The following TAOK3 variants were observed in gnomAD, a reference collection of about 807,000 sequenced individuals.
The protein encoded by TAOK3 is TAO kinase 3.
TAOK3 carries 40 observed loss-of-function variants against 120.4 expected under a neutral mutation model. The observed-to-expected ratio is 0.33, with a 90% CI of 0.26 to 0.43. The LOEUF (loss-of-function observed/expected upper bound fraction) is 0.43, where lower values mean the gene tolerates loss of function less well. Ranked by LOEUF, TAOK3 falls within the 20% of genes least tolerant of loss-of-function variation. The pLI is 1.00. For missense variants in TAOK3, 821 were observed against 1,112.1 expected, an observed-to-expected ratio of 0.74 and a Z score of 3.72; for synonymous variants, 355 against 387.5, an observed-to-expected ratio of 0.92 and a Z score of 0.99.
At chr12:118,324,794 G>C (rs1281327566) in intron 1 of TAOK3, among the ~76,000 whole-genome samples, 1 of 141,946 alleles carries the variant, frequency 7.0e-6, no homozygotes, top group Admixed American at 7.3e-5. Flanking sequence ...ACCCAGGCTG[G>C]AGTGCAGTGG....
chr12:118,357,677 G>C (rs1210980386), intron 1 of TAOK3, among the ~76,000 whole-genome samples: 1 of 152,114 alleles, frequency 6.6e-6, no homozygotes, highest in Non-Finnish European at 1.5e-5. Flanking sequence ...TCATCACGAA[G>C]CACCACCCAC....
At chr12:118,303,557 T>C (rs982294104) in intron 1 of TAOK3, among the ~76,000 whole-genome samples, 2 of 152,248 alleles carry the variant, frequency 1.3e-5, no homozygotes, top group Admixed American at 6.5e-5. Flanking sequence ...ACAAACTTCA[T>C]ATTATGTTCT....
At chr12:118,206,163 A>ATGG (rs1480590098) in intron 11 of TAOK3, among the ~76,000 whole-genome samples, 2 of 152,214 alleles carry the variant, frequency 1.3e-5, no homozygotes, top group African/African-American at 4.8e-5. Flanking sequence ...AGTCATGGCA[A>ATGG]TGTAGCAGCC....
chr12:118,227,618 CCATT>C (rs2039570965), intron 9 of TAOK3, among the ~76,000 whole-genome samples: 1 of 152,062 alleles, frequency 6.6e-6, no homozygotes, highest in Non-Finnish European at 1.5e-5. Flanking sequence ...TATGATATAT[CCATT>C]GTTATTTTTA....
At chr12:118,156,779 G>A (rs1359466201) in intron 19 of TAOK3, among the ~76,000 whole-genome samples, 1 of 151,836 alleles carries the variant, frequency 6.6e-6, no homozygotes, top group East Asian at 1.9e-4. Flanking sequence ...CTGTCACCCA[G>A]GCTGGAGTGC....
intron 1 of TAOK3, among the ~76,000 whole-genome samples, chr12:118,353,805 A>C (rs538755536): frequency 6.6e-6 from 1 of 152,360 alleles, no homozygotes; most frequent in East Asian, 1.9e-4. Flanking sequence ...CAAAGGGGTT[A>C]CATTACAGAT....
intron 13 of TAOK3, among the ~76,000 whole-genome samples, chr12:118,194,612 CTTTT>C (rs58866768): frequency 3.1e-5 from 3 of 98,164 alleles, no homozygotes; most frequent in African/African-American, 3.7e-5. Context: ...AAGGACATTT[CTTTT>C]TTTTTTTTTT....
chr12:118,265,741 GTTTGT>G (rs1172966004), intron 2 of TAOK3, among the ~76,000 whole-genome samples: 8 of 152,130 alleles, frequency 5.3e-5, no homozygotes, highest in Admixed American at 2.0e-4. Flanking sequence ...GCAGTTTCTT[GTTTGT>G]TTTGTTTTAG....
At chr12:118,355,289 CTT>C (rs771089861) in intron 1 of TAOK3, among the ~76,000 whole-genome samples, 6 of 152,142 alleles carry the variant, frequency 3.9e-5, no homozygotes, top group Admixed American at 6.5e-5. Flanking sequence ...ACAGTCCTAA[CTT>C]TATCTGAGTG....
intron 1 of TAOK3, among the ~76,000 whole-genome samples, chr12:118,336,788 G>A (rs1196189973): frequency 6.6e-6 from 1 of 152,176 alleles, no homozygotes; most frequent in Non-Finnish European, 1.5e-5. Flanking sequence ...AAAGGGCAAA[G>A]AGGCTGGGGG....
At chr12:118,236,861 TCAA>T (rs1314192191) in intron 7 of TAOK3, among the ~76,000 whole-genome samples, 3 of 152,120 alleles carry the variant, frequency 2.0e-5, no homozygotes, top group African/African-American at 7.2e-5. Context: ...TTTTGACTCT[TCAA>T]CAAATTATTT....
At chr12:118,255,356 G>T in intron 3 of TAOK3, 92 bp downstream of exon 3, 1 of 1,426,612 alleles carries the variant, frequency 7.0e-7, no homozygotes, top group Non-Finnish European at 9.6e-7. Flanking sequence ...GCCTTGCAAA[G>T]TGCTAGGATT....
chr12:118,235,224 C>T (rs1228671150), intron 8 of TAOK3, among the ~76,000 whole-genome samples: 12 of 152,132 alleles, frequency 7.9e-5, no homozygotes, highest in Admixed American at 7.9e-4. Context: ...AAAGAAGCTG[C>T]CCTGTCCTTA....
intron 1 of TAOK3, among the ~76,000 whole-genome samples, chr12:118,339,080 C>T (rs2044493107): frequency 6.6e-6 from 1 of 152,124 alleles, no homozygotes; most frequent in East Asian, 1.9e-4. Flanking sequence ...GTGGATGCTA[C>T]AGGAAAGAGA....
chr12:118,292,993 T>G (rs1438506137), intron 1 of TAOK3, among the ~76,000 whole-genome samples: 3 of 152,258 alleles, frequency 2.0e-5, no homozygotes, highest in Non-Finnish European at 4.4e-5. Context: ...TTCAGCATTC[T>G]TACTCACTTT....
intron 1 of TAOK3, among the ~76,000 whole-genome samples, chr12:118,343,835 A>T (rs1242685963): frequency 6.6e-6 from 1 of 151,802 alleles, no homozygotes; most frequent in Non-Finnish European, 1.5e-5. Context: ...ACATGGTGAA[A>T]CCCTGTCTCT....
At chr12:118,284,338 A>G (rs1380541924) in intron 1 of TAOK3, among the ~76,000 whole-genome samples, 1 of 152,190 alleles carries the variant, frequency 6.6e-6, no homozygotes, top group Non-Finnish European at 1.5e-5. Flanking sequence ...TGGCAATAAA[A>G]TTGAAAGCAG....
chr12:118,238,275 A>G, intron 6 of TAOK3, 106 bp from the exon 7 acceptor site: 2 of 577,132 alleles, frequency 3.5e-6, no homozygotes, highest in Non-Finnish European at 6.1e-6. Flanking sequence ...TCACATGACA[A>G]TTTGGGAACA....
At chr12:118,266,863 T>C in intron 1 of TAOK3, 104 bp from the exon 2 acceptor site, 2 of 379,728 alleles carry the variant, frequency 5.3e-6, no homozygotes, top group Non-Finnish European at 9.3e-6. Context: ...TATTACAAAG[T>C]TAAAATTTTA....
Sources: gnomAD v4.1 joint callset for allele counts (sites outside exome capture counted in the v4.1 genomes callset) on GRCh38, gnomAD v4.1.1 for gene constraint, MANE v1.5 for transcripts, NCBI Gene and HGNC (gene_info 2026-07-23, HGNC 2026-07-21) for gene names.